Variants in PLG observed in about 807,000 individuals in gnomAD.
PLG encodes the protein plasmin.
In PLG, 41 loss-of-function variants were observed where a neutral mutation model predicts 104.4. That is an observed-to-expected ratio of 0.39 (90% CI 0.31 to 0.51). The LOEUF (loss-of-function observed/expected upper bound fraction) is 0.51, where lower values mean the gene tolerates loss of function less well. PLG is among the 20% of genes least tolerant of loss of function. The pLI, the probability that PLG is intolerant of heterozygous loss-of-function variation, is 0.76. For synonymous variants in PLG, 337 were observed against 357.1 expected, an observed-to-expected ratio of 0.94 and a Z score of 0.63; for missense variants, 891 against 1,003.6, an observed-to-expected ratio of 0.89 and a Z score of 1.52.
At chr6:160,733,509 A>G (rs998188933) in intron 12 of PLG, among the ~76,000 whole-genome samples, 3 of 151,012 alleles carry the variant, frequency 2.0e-5, no homozygotes, top group Admixed American at 2.0e-4. Flanking sequence ...AGAGCATTCA[A>G]AAAATAACTT....
intron 10 of PLG, 178 bp from the exon 11 acceptor site, chr6:160,730,873 T>C: frequency 4.9e-6 from 3 of 614,856 alleles, no homozygotes; most frequent in Non-Finnish European, 8.6e-6. Flanking sequence ...GTCTTTGAAA[T>C]GTACACAGTT....
Position 160,741,498 on chromosome 6 carries a change from C to T in PLG, c.2125+81C>T. ...GACAAAATGATCATTTTGGAGAAAG[C>T]TGTGCAAATTCCTATCCATGAATGT... is the stretch of plus-strand genomic sequence containing the variant. On this transcript the variant is annotated intron_variant, in intron 17 of 18. Coordinates refer to ENST00000308192, the MANE Select transcript of PLG (RefSeq NM_000301.5). This position sits in a 1 kb window ranked among gnomAD's most constrained non-coding sequence, Gnocchi z 4.7. 2.2e-6 allele frequency: 2 copies of T among 911,698 alleles called. No homozygotes were observed. The allele number at this position is 911,698 out of a possible 1,614,324, so 56.5% of individuals were successfully genotyped here. A position where few individuals can be genotyped will look rare whatever the true frequency, so the allele number is the denominator to read the frequency against.
At chr6:160,710,952 A>G in intron 3 of PLG, 125 bp from the exon 4 acceptor site, 3 of 828,618 alleles carry the variant, frequency 3.6e-6, no homozygotes, top group South Asian at 1.4e-5. Flanking sequence ...GCAAAAGATG[A>G]TCTTTTAGAA....
rs574083771 is a variant in PLG, at chr6:160,737,898, T to C, written c.1803-640T>C. On this transcript the variant is annotated intron_variant, in intron 14 of 18. Coordinates refer to ENST00000308192, the MANE Select transcript of PLG (RefSeq NM_000301.5). The surrounding 1 kb of genome is among the most constrained non-coding windows in gnomAD (Gnocchi z 4.7). ...CAGATTCATTCTTTCCTAAACTATG[T>C]GGTGGTCTACGTCCTCACTGACTTA... 1.3e-5 allele frequency among the ~76,000 whole-genome samples: 2 copies of C among 152,332 alleles called. No homozygotes were observed. The highest frequency in any genetic ancestry group is 4.8e-5 in the African/African-American group (2 of 41,578).
intron 3 of PLG, among the ~76,000 whole-genome samples, chr6:160,708,969 T>TAA (rs139399782): frequency 3.3e-4 from 50 of 150,642 alleles, no homozygotes; most frequent in Non-Finnish European, 4.6e-4. Context: ...GTACCAGATT[T>TAA]TAAAAAAAAA....
intron 17 of PLG, among the ~76,000 whole-genome samples, chr6:160,745,780 T>C (rs1211920623): frequency 6.6e-6 from 1 of 152,264 alleles, no homozygotes; most frequent in Non-Finnish European, 1.5e-5. Flanking sequence ...GGTAGCCATC[T>C]TGCTATAGTT....
At position 160,738,912 on chromosome 6, in the gene PLG, T is replaced by G. The variant is rs1778136658; in HGVS notation, c.1878-156T>G. On this transcript the variant is annotated intron_variant, in intron 15 of 18. Transcript: ENST00000308192. The surrounding 1 kb of genome is among the most constrained non-coding windows in gnomAD (Gnocchi z 6.8). ...AGCCCAAGAACATTCCTTAACTGCC[T>G]GTTTCAAGCAAATCATGAATTTTGC... Among the ~76,000 whole-genome samples, 1 of 152,162 alleles carries G rather than the reference T, an allele frequency of 6.6e-6. No individual in the cohort carries two copies. Among genetic ancestry groups the G allele is most frequent in the Non-Finnish European group, 1.5e-5 (1 of 68,022 alleles).
At chr6:160,742,861 CAT>C (rs1374844502) in intron 17 of PLG, among the ~76,000 whole-genome samples, 1 of 152,180 alleles carries the variant, frequency 6.6e-6, no homozygotes. Flanking sequence ...CCATCTTCTA[CAT>C]ATGGCTAGCC....
chr6:160,750,352 T>C (rs1373889524), intron 17 of PLG, among the ~76,000 whole-genome samples: 1 of 152,214 alleles, frequency 6.6e-6, no homozygotes, highest in African/African-American at 2.4e-5. Flanking sequence ...AGGTGCCATC[T>C]CTACATCTAC....
At chr6:160,748,658 C>A (rs763250771) in intron 17 of PLG, among the ~76,000 whole-genome samples, 1 of 152,128 alleles carries the variant, frequency 6.6e-6, no homozygotes, top group Non-Finnish European at 1.5e-5. Context: ...CTCTTTCTTG[C>A]AAGTGACAGA....
chr6:160,742,586 C>A (rs980633458), intron 17 of PLG, among the ~76,000 whole-genome samples: 1 of 152,044 alleles, frequency 6.6e-6, no homozygotes, highest in Non-Finnish European at 1.5e-5. Context: ...ATATTTTCTC[C>A]TGTTCTCTAG....
Position 160,736,114 on chromosome 6 carries a change from G to A in PLG, c.1682-773G>A, listed in dbSNP as rs189423949. On this transcript the variant is annotated intron_variant, in intron 13 of 18. Transcript: ENST00000308192. This position sits in a 1 kb window ranked among gnomAD's most constrained non-coding sequence, Gnocchi z 5.2. The stretch of plus-strand genomic sequence containing the variant: ...TTGAAGGGCTGGAGACAACAGAGAA[G>A]CATTTTTGAATACCCTCTGCAGCCC... 3.3e-5 allele frequency among the ~76,000 whole-genome samples: 5 copies of A among 152,320 alleles called. No homozygotes were observed. In the East Asian group the frequency reaches 9.6e-4, roughly 29 times the overall value.
chr6:160,723,029 G>GTATATACA lies in PLG; in HGVS notation c.1256+466_1256+467insTACATATA, dbSNP rs1777862298. On this transcript the variant is annotated intron_variant, in intron 10 of 18. Coordinates refer to ENST00000308192, the MANE Select transcript of PLG (RefSeq NM_000301.5). This position sits in a 1 kb window ranked among gnomAD's most constrained non-coding sequence, Gnocchi z 4.7. ...TGAATATATATACACACATATATAT[G>GTATATACA]TATACATATGTGTGCATATATAAAT... 6.8e-6 allele frequency among the ~76,000 whole-genome samples: 1 copy of GTATATACA among 147,130 alleles called. No homozygotes were observed. Among genetic ancestry groups the GTATATACA allele is most frequent in the Non-Finnish European group, 1.5e-5 (1 of 67,744 alleles).
chr6:160,714,991 T>C (rs575554303), intron 6 of PLG, 77 bp downstream of exon 6: 2 of 1,435,220 alleles, frequency 1.4e-6, no homozygotes, highest in African/African-American at 1.4e-5. Context: ...GTCATTTAGA[T>C]ATTTTAGCAT....
chr6:160,750,816 C>T (rs1425858079), intron 17 of PLG, among the ~76,000 whole-genome samples: 2 of 152,162 alleles, frequency 1.3e-5, no homozygotes, highest in Non-Finnish European at 2.9e-5. Context: ...GAAACCTGGG[C>T]TTGCAAAATT....
At position 160,753,969 on chromosome 6, in the gene PLG, A is replaced by T. The variant is rs1407779980; in HGVS notation, c.*908A>T. 6.6e-6 allele frequency among the ~76,000 whole-genome samples: 1 copy of T among 152,236 alleles called. No homozygotes were observed. Among genetic ancestry groups the T allele is most frequent in the Non-Finnish European group, 1.5e-5 (1 of 68,028 alleles). On this transcript the variant is annotated 3_prime_UTR_variant, in exon 19 of 19. Coordinates refer to ENST00000308192, the MANE Select transcript of PLG (RefSeq NM_000301.5). This position sits in a 1 kb window ranked among gnomAD's most constrained non-coding sequence, Gnocchi z 5.4. ...TCAAAATACAATTTAACAATGCAAC[A>T]GTCATCTTACAGCAGAGAAATGCAG...
At chr6:160,742,760 C>A (rs927842858) in intron 17 of PLG, among the ~76,000 whole-genome samples, 2 of 152,058 alleles carry the variant, frequency 1.3e-5, no homozygotes, top group Non-Finnish European at 2.9e-5. Context: ...GGTTGTCTTC[C>A]AGGATTTTTG....
At chr6:160,712,908 G>C (rs1340724747) in intron 4 of PLG, 78 bp from the exon 5 acceptor site, 2 of 1,046,786 alleles carry the variant, frequency 1.9e-6, no homozygotes, top group African/African-American at 1.6e-5. Context: ...TGGGAATCGA[G>C]AGCATCTCCT....
At chr6:160,718,871 C>G (rs1377235522) in intron 9 of PLG, 33 bp downstream of exon 9, 4 of 1,596,396 alleles carry the variant, frequency 2.5e-6, no homozygotes, top group Non-Finnish European at 3.4e-6. Context: ...ACTGAGGGCC[C>G]AAGTTTTCTC....
Sources: gnomAD v4.1 joint callset for allele counts (sites outside exome capture counted in the v4.1 genomes callset) on GRCh38, gnomAD v4.1.1 for gene constraint, Gnocchi (gnomAD v3.1) non-coding constraint, MANE v1.5 for transcripts, NCBI Gene and HGNC (gene_info 2026-07-23, HGNC 2026-07-21) for gene names.